SYNE2: variants seen among roughly 807,000 people sequenced by gnomAD.
The protein encoded by SYNE2 is nesprin-2.
Under a neutral mutation model 856.3 loss-of-function variants are expected in SYNE2, and 431 were observed. That is an observed-to-expected ratio of 0.50 (90% CI 0.47 to 0.55). The LOEUF (loss-of-function observed/expected upper bound fraction) is 0.55, where lower values mean the gene tolerates loss of function less well. SYNE2 is among the 20% of genes least tolerant of loss of function. The pLI is 0.00. For synonymous variants in SYNE2, 2,923 were observed against 2,872.3 expected (o/e 1.02, Z -0.56); for missense variants, 8,129 against 8,023.2 (o/e 1.01, Z -0.50).
chr14:63,769,283 T>C lies in SYNE2; in HGVS notation c.-305+7297T>C, dbSNP rs138540685. ...GAGAATCAGGAAGGCCATTAAATAT[T>C]ACAGGGGTAGGCCAGGCATGTTGGC... On this transcript the variant is annotated intron_variant, in intron 1 of 23. Transcript: ENST00000674003. 1.2e-4 allele frequency among the ~76,000 whole-genome samples: 19 copies of C among 152,176 alleles called. No homozygotes were observed. In the East Asian group the frequency reaches 3.7e-3, roughly 29 times the overall value.
At chr14:64,027,952 G>T (rs1594961060) in intron 43 of SYNE2, among the ~76,000 whole-genome samples, 159 bp downstream of exon 43, 1 of 152,118 alleles carries the variant, frequency 6.6e-6, no homozygotes, top group East Asian at 1.9e-4. Flanking sequence ...CTTTGCCCAG[G>T]CTGGAGTGCA....
At position 64,225,908 on chromosome 14, in the gene SYNE2, C is replaced by A. The variant is rs923047029; in HGVS notation, c.*382C>A. ...CCATCACATATATTATAGAAGCAAGCGAGGACATTCCACCCTAGAAATGGT... is the reference window on the plus strand; with the variant it reads ...CCATCACATATATTATAGAAGCAAGAGAGGACATTCCACCCTAGAAATGGT... On this transcript the variant is annotated 3_prime_UTR_variant, in exon 116 of 116. Transcript: ENST00000555002. 2 of 451,548 alleles carry A rather than the reference C, an allele frequency of 4.4e-6. No homozygotes were observed. Among genetic ancestry groups the A allele is most frequent in the East Asian group, 3.7e-5 (1 of 27,312 alleles). The allele number at this position is 451,548 out of a possible 1,614,324, so 28.0% of individuals were successfully genotyped here.
chr14:63,890,282 C>T lies in SYNE2; in HGVS notation c.-51-18816C>T, dbSNP rs144152335. On this transcript the variant is annotated intron_variant, in intron 1 of 115. Transcript: ENST00000555002. Reference sequence around the variant, plus strand: ...TTCACCATGTTGGCCAGGCTGATCTCGAACTCCTGAGCTCAAGTGATCCAC... The same window carrying T: ...TTCACCATGTTGGCCAGGCTGATCTTGAACTCCTGAGCTCAAGTGATCCAC... 2.3e-3 allele frequency among the ~76,000 whole-genome samples: 343 copies of T among 151,942 alleles called. 4 individuals carry two copies. In the East Asian group the frequency reaches 0.028, roughly 12 times the overall value.
At chr14:64,113,654 CTG>C in intron 66 of SYNE2, 83 bp downstream of exon 66, 3 of 1,413,008 alleles carry the variant, frequency 2.1e-6, no homozygotes, top group Admixed American at 2.0e-5. Flanking sequence ...TAAAGCAACA[CTG>C]TTTTTCTTTC....
Position 64,088,139 on chromosome 14 carries a change from C to T in SYNE2, c.11670+283C>T, listed in dbSNP as rs183541122. Among the ~76,000 whole-genome samples, 318 of 152,210 alleles carry T rather than the reference C, an allele frequency of 2.1e-3. 1 individual carries two copies. Among genetic ancestry groups the T allele is most frequent in the Non-Finnish European group, 3.6e-3 (246 of 68,004 alleles). Reference sequence around the variant, plus strand: ...CAGAGGTTGCAGTGAGCCAAGATTGCGCCACTGCACTCCAGCCTGGGTGAC... The same window carrying T: ...CAGAGGTTGCAGTGAGCCAAGATTGTGCCACTGCACTCCAGCCTGGGTGAC... On this transcript the variant is annotated intron_variant, in intron 58 of 115. Coordinates refer to ENST00000555002, the MANE Select transcript of SYNE2 (RefSeq NM_182914.3).
chr14:63,941,935 T>C lies in SYNE2; in HGVS notation c.288T>C (p.His96=), dbSNP rs770990253. 3.3e-5 allele frequency: 54 copies of C among 1,613,200 alleles called. No individual in the cohort carries two copies. The highest frequency in any genetic ancestry group is 4.3e-5 in the Non-Finnish European group (51 of 1,179,914). The change falls in exon 5 of 116, where the codon CAT becomes CAC. Residue 96 remains histidine (H), a synonymous_variant. Transcript: ENST00000555002. ...TCCAGTGTAGAATCAATATAGAACA[T>C]GCCTTGACATTCCTAAGAAACCGAT... ...NTFQCRINIE[H]ALTFLRNRSI...
intron 51 of SYNE2, among the ~76,000 whole-genome samples, chr14:64,067,999 A>G (rs1375195766): frequency 1.3e-5 from 2 of 152,112 alleles, no homozygotes; most frequent in Admixed American, 1.3e-4. Flanking sequence ...CTCCCTCTCT[A>G]GACCGGACTT....
At chr14:64,202,473 C>A (rs753055869) in intron 99 of SYNE2, among the ~76,000 whole-genome samples, 1 of 152,174 alleles carries the variant, frequency 6.6e-6, no homozygotes, top group Non-Finnish European at 1.5e-5. Flanking sequence ...AATGGCATAT[C>A]TTCTCACCTC....
intron 14 of SYNE2, 89 bp downstream of exon 14, chr14:63,979,103 C>T: frequency 1.4e-6 from 2 of 1,386,354 alleles, no homozygotes; most frequent in Admixed American, 1.7e-5. Context: ...CCCATTAACT[C>T]TTCGGGTTTT....
At chr14:64,197,536 C>T (rs1567616259) in intron 99 of SYNE2, among the ~76,000 whole-genome samples, 2 of 152,138 alleles carry the variant, frequency 1.3e-5, no homozygotes, top group Non-Finnish European at 2.9e-5. Flanking sequence ...GACAGCTGCC[C>T]GCAGGTTTGA....
In SYNE2 at chr14:63,954,750, T is replaced by A; in HGVS notation, c.622T>A (p.Ser208Thr). The A allele has an allele frequency of 6.2e-7, 1 of 1,614,088 alleles. No homozygotes were observed. The highest frequency in any genetic ancestry group is 1.6e-4 in the Middle Eastern group (1 of 6,062). The change falls in exon 8 of 116, where the codon TCA (serine) becomes ACA (threonine). Residue 208 changes from serine to threonine, a missense_variant. Physicochemically the swap from Ser to Thr is moderately conservative, Grantham distance 58 (BLOSUM62 1). Around this residue, in one of 3 missense-constraint regions of SYNE2, gnomAD observed 2,422 missense variants for 2,357.4 expected, o/e 1.03. Coordinates refer to ENST00000555002, the MANE Select transcript of SYNE2 (RefSeq NM_182914.3). ...YESVNVTDFKSSWRNGMAFLA... is the reference protein window; with the variant it reads ...YESVNVTDFKTSWRNGMAFLA... Reference sequence around the variant, plus strand: ...GTCTGTCAATGTGACCGATTTTAAGTCAAGTTGGAGAAATGGGATGGCTTT... The same window carrying A: ...GTCTGTCAATGTGACCGATTTTAAGACAAGTTGGAGAAATGGGATGGCTTT...
chr14:64,162,735 T>C (rs944332551), intron 88 of SYNE2: 3 of 257,046 alleles, frequency 1.2e-5, no homozygotes, highest in Non-Finnish European at 2.3e-5. Flanking sequence ...TATGGTGTTT[T>C]TTCTATTATT....
intron 60 of SYNE2, 97 bp downstream of exon 60, chr14:64,091,145 T>C: frequency 1.8e-6 from 2 of 1,128,084 alleles, no homozygotes; most frequent in Non-Finnish European, 2.6e-6. Context: ...TATTATCCTA[T>C]TATTGTAGGA....
chr14:63,866,643 T>C (rs553403795), intron 1 of SYNE2, among the ~76,000 whole-genome samples: 68 of 152,110 alleles, frequency 4.5e-4, no homozygotes, highest in Non-Finnish European at 6.0e-4. Flanking sequence ...ATGATCAAAA[T>C]TGTAAGTTCT....
rs1483482637 is a variant in SYNE2 at position 64,049,526 on chromosome 14, G to A, written c.7378-85G>A. Reference sequence around the variant, plus strand: ...TTACCCTCTTCCTGAGATAGAGTGTGTTATCTCAAAGAGGAAAGAAGATGA... The same window carrying A: ...TTACCCTCTTCCTGAGATAGAGTGTATTATCTCAAAGAGGAAAGAAGATGA... On this transcript the variant is annotated intron_variant, in intron 46 of 115. Coordinates refer to ENST00000555002, the MANE Select transcript of SYNE2 (RefSeq NM_182914.3). The A allele has an allele frequency of 1.8e-5, 25 of 1,404,462 alleles. No individual in the cohort carries two copies. In the Admixed American group the frequency reaches 4.4e-4, roughly 25 times the overall value. 87.0% of individuals were successfully genotyped at this position (1,404,462 alleles called of 1,614,324 possible).
chr14:63,822,234 A>C (rs557109189), intron 1 of SYNE2, among the ~76,000 whole-genome samples: 1 of 152,194 alleles, frequency 6.6e-6, no homozygotes, highest in East Asian at 1.9e-4. Context: ...AAACAAACAA[A>C]AAAAAAAACC....
At chr14:63,944,118 T>C (rs972984333) in intron 6 of SYNE2, among the ~76,000 whole-genome samples, 13 of 151,350 alleles carry the variant, frequency 8.6e-5, no homozygotes, top group African/African-American at 3.1e-4. Context: ...TTATCTGTAA[T>C]CTACCACTCA....
chr14:64,186,726 G>T, intron 97 of SYNE2, 147 bp downstream of exon 97: 2 of 1,002,652 alleles, frequency 2.0e-6, no homozygotes, highest in Non-Finnish European at 3.1e-6. Context: ...CCTTTAGAAG[G>T]CAGCAACAGG....
At chr14:64,197,004 C>T (rs143200148) in intron 99 of SYNE2, 2 of 152,494 alleles carry the variant, frequency 1.3e-5, no homozygotes, top group African/African-American at 4.8e-5. Context: ...AGAGGGCACG[C>T]TGGGCAGGGG....
Sources: gnomAD v4.1 joint callset for allele counts (sites outside exome capture counted in the v4.1 genomes callset) on GRCh38, gnomAD v4.1.1 for gene constraint, gnomAD v4.1.1 regional missense constraint, MANE v1.5 for transcripts, NCBI Gene and HGNC (gene_info 2026-07-23, HGNC 2026-07-21) for gene names.